PHKB: variants seen among roughly 807,000 people sequenced by gnomAD.
PHKB encodes phosphorylase kinase regulatory subunit beta, also known as phosphorylase b kinase regulatory subunit beta.
A neutral mutation model predicts 152.1 loss-of-function variants in PHKB; 122 were observed. The observed-to-expected ratio is 0.80, with a 90% CI of 0.69 to 0.93. The LOEUF (loss-of-function observed/expected upper bound fraction) is 0.93. Among genes scored for constraint, PHKB ranks in the 40% least tolerant of loss-of-function variants. The probability of loss-of-function intolerance (pLI) is 0.00; values close to 1 mark genes in which losing one functional copy is unlikely to be tolerated. For missense variants in PHKB, 1,304 were observed against 1,328.4 expected (o/e 0.98, Z 0.29); for synonymous variants, 436 against 464.9 (o/e 0.94, Z 0.80).
At chr16:47,656,030 T>TA (rs1316672174) in intron 20 of PHKB, among the ~76,000 whole-genome samples, 1 of 151,882 alleles carries the variant, frequency 6.6e-6, no homozygotes, top group Non-Finnish European at 1.5e-5. Context: ...TTTTTTTTTT[T>TA]AATTGAGACT....
At chr16:47,595,438 C>T (rs1972102022) in intron 12 of PHKB, among the ~76,000 whole-genome samples, 1 of 152,108 alleles carries the variant, frequency 6.6e-6, no homozygotes, top group African/African-American at 2.4e-5. Flanking sequence ...TGATTATTTT[C>T]CCATTATATC....
chr16:47,580,223 T>A, intron 7 of PHKB, 72 bp from the exon 8 acceptor site: 3 of 1,111,832 alleles, frequency 2.7e-6, no homozygotes, highest in Middle Eastern at 2.0e-4. Flanking sequence ...CTCGTGAATA[T>A]TCATCAGATA....
intron 6 of PHKB, among the ~76,000 whole-genome samples, chr16:47,516,206 G>T (rs1970594521): frequency 6.6e-6 from 1 of 152,176 alleles, no homozygotes; most frequent in Non-Finnish European, 1.5e-5. Context: ...GATTACAGGA[G>T]TGAGCCACCG....
chr16:47,557,678 A>G (rs1037753944), intron 7 of PHKB, among the ~76,000 whole-genome samples: 29 of 152,306 alleles, frequency 1.9e-4, no homozygotes, highest in Admixed American at 5.9e-4. Flanking sequence ...TCAAAACCAC[A>G]GTGAGATACC....
chr16:47,504,804 G>A (rs965856157), intron 4 of PHKB, among the ~76,000 whole-genome samples: 1 of 152,248 alleles, frequency 6.6e-6, no homozygotes, highest in African/African-American at 2.4e-5. Flanking sequence ...GTGAAGGCCA[G>A]CGCACTCCCT....
intron 20 of PHKB, among the ~76,000 whole-genome samples, chr16:47,652,903 G>A (rs1027540928): frequency 2.8e-4 from 43 of 152,052 alleles, no homozygotes; most frequent in Admixed American, 2.0e-4. Context: ...TCGGCCTCCC[G>A]AAGTGCTAGG....
intron 14 of PHKB, among the ~76,000 whole-genome samples, chr16:47,618,198 T>G (rs1183585464): frequency 1.3e-5 from 2 of 152,262 alleles, no homozygotes; most frequent in Non-Finnish European, 2.9e-5. Context: ...TTAATGCATT[T>G]TTATTTGCCA....
intron 26 of PHKB, among the ~76,000 whole-genome samples, chr16:47,670,266 T>C (rs889396491): frequency 1.3e-5 from 2 of 152,214 alleles, no homozygotes; most frequent in African/African-American, 4.8e-5. Context: ...AGGGTGTTTC[T>C]CAAGTGTTTG....
chr16:47,591,406 T>C (rs1972026765), intron 10 of PHKB, among the ~76,000 whole-genome samples: 1 of 152,200 alleles, frequency 6.6e-6, no homozygotes, highest in Admixed American at 6.5e-5. Context: ...CCATTTACAT[T>C]ACTGAGTCGG....
intron 14 of PHKB, among the ~76,000 whole-genome samples, chr16:47,614,207 A>G (rs1972477078): frequency 6.6e-6 from 1 of 152,190 alleles, no homozygotes; most frequent in African/African-American, 2.4e-5. Flanking sequence ...AGATCTTATG[A>G]GAACTCACTG....
intron 16 of PHKB, among the ~76,000 whole-genome samples, chr16:47,642,600 G>A (rs1973044392): frequency 6.6e-6 from 1 of 152,196 alleles, no homozygotes; most frequent in Non-Finnish European, 1.5e-5. Context: ...ATAAATGGTT[G>A]TAGTCAAAGT....
chr16:47,633,306 A>G (rs967232657), intron 14 of PHKB, among the ~76,000 whole-genome samples: 2 of 152,300 alleles, frequency 1.3e-5, no homozygotes, highest in African/African-American at 4.8e-5. Context: ...AAATGTAACC[A>G]GCAATACTAA....
At chr16:47,486,566 G>A (rs1970052756) in intron 1 of PHKB, among the ~76,000 whole-genome samples, 1 of 152,122 alleles carries the variant, frequency 6.6e-6, no homozygotes, top group Non-Finnish European at 1.5e-5. Flanking sequence ...AGCCAAAGAT[G>A]TAGTTTGCTG....
At chr16:47,469,229 T>C (rs1170563890) in intron 1 of PHKB, among the ~76,000 whole-genome samples, 3 of 152,224 alleles carry the variant, frequency 2.0e-5, no homozygotes, top group Non-Finnish European at 2.9e-5. Flanking sequence ...GTCCTGCTTC[T>C]TTTGAGAGAC....
chr16:47,532,178 T>C (rs1970872535), intron 6 of PHKB, among the ~76,000 whole-genome samples: 1 of 152,232 alleles, frequency 6.6e-6, no homozygotes, highest in African/African-American at 2.4e-5. Flanking sequence ...AAGAGTTAGA[T>C]AACCCTACTT....
intron 10 of PHKB, among the ~76,000 whole-genome samples, chr16:47,592,009 T>C (rs1379249219): frequency 6.6e-6 from 1 of 152,152 alleles, no homozygotes. Flanking sequence ...TATCACAATA[T>C]AGTAGGTACT....
intron 3 of PHKB, among the ~76,000 whole-genome samples, chr16:47,501,891 C>T (rs1970330370): frequency 6.6e-6 from 1 of 152,062 alleles, no homozygotes; most frequent in Non-Finnish European, 1.5e-5. Flanking sequence ...TAGAATATGC[C>T]TCTATTAAAA....
intron 1 of PHKB, among the ~76,000 whole-genome samples, chr16:47,477,093 A>G (rs1200575601): frequency 6.6e-6 from 1 of 152,074 alleles, no homozygotes; most frequent in Non-Finnish European, 1.5e-5. Context: ...GCACTCCATA[A>G]TCTTTTATTC....
intron 13 of PHKB, among the ~76,000 whole-genome samples, chr16:47,605,228 C>T (rs1296060622): frequency 6.6e-6 from 1 of 152,130 alleles, no homozygotes; most frequent in Admixed American, 6.5e-5. Flanking sequence ...GTGCTGGTGG[C>T]TCTGCTAGGT....
Sources: gnomAD v4.1 joint callset for allele counts (sites outside exome capture counted in the v4.1 genomes callset) on GRCh38, gnomAD v4.1.1 for gene constraint, MANE v1.5 for transcripts, NCBI Gene and HGNC (gene_info 2026-07-23, HGNC 2026-07-21) for gene names.